ARMC9: variants seen among roughly 807,000 people sequenced by gnomAD.
The protein encoded by ARMC9 is armadillo repeat containing 9, also known as lisH domain-containing protein ARMC9.
Under a neutral mutation model 107.0 loss-of-function variants are expected in ARMC9, and 94 were observed. That is an observed-to-expected ratio of 0.88 (90% CI 0.74 to 1.04). The LOEUF (loss-of-function observed/expected upper bound fraction) is 1.04, where lower values mean the gene tolerates loss of function less well. ARMC9 is among the 50% of genes least tolerant of loss of function. The probability of loss-of-function intolerance (pLI) is 0.00; values close to 1 mark genes in which losing one functional copy is unlikely to be tolerated. For missense variants in ARMC9, 942 were observed against 1,030.1 expected (o/e 0.91, Z 1.17); for synonymous variants, 380 against 396.9 (o/e 0.96, Z 0.51).
intron 12 of ARMC9, among the ~76,000 whole-genome samples, chr2:231,266,868 G>A (rs757659242): frequency 2.1e-4 from 32 of 152,240 alleles, no homozygotes; most frequent in Non-Finnish European, 3.5e-4. Flanking sequence ...AGCTACTGTG[G>A]ATAGTGCTGC....
At chr2:231,350,946 C>CT (rs770225857) in intron 21 of ARMC9, among the ~76,000 whole-genome samples, 980 of 50,632 alleles carry the variant, frequency 0.019, 235 homozygotes, top group African/African-American at 0.039. Context: ...AGTGACAATT[C>CT]TTTTTTTTTT....
intron 16 of ARMC9, among the ~76,000 whole-genome samples, chr2:231,279,511 C>CTTTTTTTTTT (rs57779512): frequency 1.6e-5 from 2 of 124,808 alleles, no homozygotes; most frequent in East Asian, 2.4e-4. Context: ...TTTCTTTTTT[C>CTTTTTTTTTT]TTTTTTTTTT....
rs894236395 is a variant in ARMC9 at position 231,362,005 on chromosome 2, G to A, written c.2261+1122G>A. Among the ~76,000 whole-genome samples the A allele has an allele frequency of 6.6e-5, 10 of 152,142 alleles. No individual in the cohort carries two copies. Among genetic ancestry groups the A allele is most frequent in the African/African-American group, 2.4e-4 (10 of 41,426 alleles). On this transcript the variant is annotated intron_variant, in intron 23 of 24. Transcript: ENST00000611582. This position sits in a 1 kb window ranked among gnomAD's most constrained non-coding sequence, Gnocchi z 4.7. ...ATCGGAACTGTGGGAAGGATGGGAAGGACTTCAAGACCTGGGCTAGGGAAG... is the reference window on the plus strand; with the variant it reads ...ATCGGAACTGTGGGAAGGATGGGAAAGACTTCAAGACCTGGGCTAGGGAAG...
intron 10 of ARMC9, among the ~76,000 whole-genome samples, chr2:231,258,133 C>T (rs1214110904): frequency 6.6e-6 from 1 of 152,150 alleles, no homozygotes; most frequent in Non-Finnish European, 1.5e-5. Flanking sequence ...TTCCTGACCA[C>T]ACCTTCTACC....
chr2:231,273,877 A>G (rs570440185), intron 14 of ARMC9, among the ~76,000 whole-genome samples: 1 of 152,132 alleles, frequency 6.6e-6, no homozygotes, highest in African/African-American at 2.4e-5. Context: ...ACAAAAAGAA[A>G]CCTCATACCC....
intron 8 of ARMC9, among the ~76,000 whole-genome samples, chr2:231,236,682 T>G (rs2035743536): frequency 6.6e-6 from 1 of 152,212 alleles, no homozygotes; most frequent in Non-Finnish European, 1.5e-5. Flanking sequence ...GTCTCACACC[T>G]GTAATCTCAG....
At chr2:231,354,303 C>T (rs1014482863) in intron 21 of ARMC9, among the ~76,000 whole-genome samples, 16 of 148,644 alleles carry the variant, frequency 1.1e-4, no homozygotes, top group Non-Finnish European at 2.2e-4. Context: ...TTGCGCACCT[C>T]GGGAAGACTT....
intron 3 of ARMC9, among the ~76,000 whole-genome samples, chr2:231,212,527 C>T (rs2033008482): frequency 6.6e-6 from 1 of 152,194 alleles, no homozygotes; most frequent in Non-Finnish European, 1.5e-5. Flanking sequence ...AGAGTCTGCG[C>T]TCACCTCATC....
intron 12 of ARMC9, among the ~76,000 whole-genome samples, chr2:231,266,666 G>C (rs2038881736): frequency 6.6e-6 from 1 of 152,130 alleles, no homozygotes; most frequent in Admixed American, 6.6e-5. Context: ...CTATGATTGT[G>C]ACTACTCCAA....
chr2:231,279,735 C>T (rs1000948054), intron 16 of ARMC9, among the ~76,000 whole-genome samples: 11 of 152,120 alleles, frequency 7.2e-5, no homozygotes, highest in Admixed American at 6.5e-4. Flanking sequence ...TGGTCTTGAA[C>T]TCCTGACCTT....
At chr2:231,307,273 T>C (rs933082309) in intron 19 of ARMC9, among the ~76,000 whole-genome samples, 1 of 152,072 alleles carries the variant, frequency 6.6e-6, no homozygotes, top group Non-Finnish European at 1.5e-5. Context: ...GAGGACTGTT[T>C]CGTTTGGATG....
chr2:231,272,814 C>G (rs2039453186), intron 13 of ARMC9, 141 bp from the exon 14 acceptor site: 1 of 1,120,150 alleles, frequency 8.9e-7, no homozygotes, highest in Admixed American at 2.4e-5. Context: ...CCGCGCCCTG[C>G]CCAGTAAGTT....
intron 1 of ARMC9, among the ~76,000 whole-genome samples, chr2:231,205,097 G>T (rs1474840874): frequency 1.3e-5 from 2 of 152,042 alleles, no homozygotes; most frequent in African/African-American, 2.4e-5. Flanking sequence ...ACTGAGTGTG[G>T]TGGCTCACGC....
intron 21 of ARMC9, among the ~76,000 whole-genome samples, chr2:231,352,273 A>T (rs994154232): frequency 2.0e-5 from 3 of 150,264 alleles, no homozygotes; most frequent in African/African-American, 7.4e-5. Context: ...AGCCACTAGT[A>T]CTTTTGGAGC....
intron 9 of ARMC9, 103 bp downstream of exon 9, chr2:231,240,144 G>A (rs1182537081): frequency 2.0e-6 from 2 of 987,900 alleles, no homozygotes; most frequent in South Asian, 3.1e-5. Context: ...GCAAGAGGCT[G>A]CATTTAAGCT....
rs141500557 is a variant in ARMC9, at chr2:231,282,582, A to G, written c.1626+449A>G. ...AGTGTTTCTAGATCTAATCAGGAAA[A>G]CAACTAGAGTTTTGTCTTTTTTCTT... On this transcript the variant is annotated intron_variant, in intron 17 of 24. Coordinates refer to ENST00000611582, the MANE Select transcript of ARMC9 (RefSeq NM_001352754.2). Among the ~76,000 whole-genome samples, 555 of 152,322 alleles carry G rather than the reference A, an allele frequency of 3.6e-3. 1 individual carries two copies. Among genetic ancestry groups the G allele is most frequent in the Non-Finnish European group, 5.4e-3 (370 of 68,024 alleles).
chr2:231,316,160 ATGTGTG>A (rs141395956), intron 19 of ARMC9, among the ~76,000 whole-genome samples: 41,281 of 147,476 alleles, frequency 0.28, 5,982 homozygotes, highest in Non-Finnish European at 0.34. Flanking sequence ...GTGTGTATGT[ATGTGTG>A]TGTGTGTGTG....
chr2:231,206,547 G>A (rs2032022694), intron 2 of ARMC9, among the ~76,000 whole-genome samples: 1 of 152,142 alleles, frequency 6.6e-6, no homozygotes, highest in South Asian at 2.1e-4. Context: ...CACTACAGAA[G>A]TATAAAAAGG....
chr2:231,319,406 A>G (rs2042878923), intron 19 of ARMC9, among the ~76,000 whole-genome samples: 1 of 152,164 alleles, frequency 6.6e-6, no homozygotes, highest in South Asian at 2.1e-4. Context: ...AAATGGGCTA[A>G]AACTAACTGC....
Sources: allele counts gnomAD v4.1 joint callset (sites outside exome capture counted in the v4.1 genomes callset), GRCh38; gene constraint gnomAD v4.1.1; non-coding constraint Gnocchi (gnomAD v3.1); transcripts MANE v1.5; gene names NCBI Gene and HGNC (gene_info 2026-07-23, HGNC 2026-07-21).